The following DENND1A variants were observed in gnomAD, a reference collection of about 807,000 sequenced individuals.
DENND1A encodes the protein DENN domain containing 1A.
In DENND1A, 51 loss-of-function variants were observed where a neutral mutation model predicts 113.7. The observed-to-expected ratio is 0.45, with a 90% CI of 0.36 to 0.57. The LOEUF is 0.57. Ranked by LOEUF, DENND1A falls within the 20% of genes least tolerant of loss-of-function variation. DENND1A has a pLI of 0.00. For missense variants in DENND1A, 1,258 were observed against 1,395.9 expected, an observed-to-expected ratio of 0.90 and a Z score of 1.57; for synonymous variants, 565 against 570.8, an observed-to-expected ratio of 0.99 and a Z score of 0.14.
intron 5 of DENND1A, among the ~76,000 whole-genome samples, chr9:123,732,095 T>C (rs191175212): frequency 1.3e-5 from 2 of 152,314 alleles, no homozygotes; most frequent in East Asian, 3.9e-4. Flanking sequence ...CTTGTGGGAA[T>C]GCAAAATGAT....
chr9:123,778,559 G>A lies in DENND1A; in HGVS notation c.133-8996C>T, dbSNP rs1267214720. Among the ~76,000 whole-genome samples, 5 of 152,322 alleles carry A rather than the reference G, an allele frequency of 3.3e-5. No individual in the cohort carries two copies. In the East Asian group the frequency reaches 5.8e-4, roughly 18 times the overall value. On this transcript the variant is annotated intron_variant, in intron 3 of 23. Coordinates refer to ENST00000394215, the MANE Select transcript of DENND1A (RefSeq NM_001352964.2). ...GTGTAACTTATAACCTAAGGAAGGA[G>A]CCGGCAAACTTTTCTCAAAAGGGCC...
chr9:123,915,170 A>T (rs549042243), intron 1 of DENND1A, among the ~76,000 whole-genome samples: 1 of 152,226 alleles, frequency 6.6e-6, no homozygotes, highest in African/African-American at 2.4e-5. Flanking sequence ...ACTTATCCAT[A>T]TATGATGCCA....
chr9:123,775,605 G>A (rs1027645398), intron 3 of DENND1A, among the ~76,000 whole-genome samples: 1 of 152,034 alleles, frequency 6.6e-6, no homozygotes, highest in African/African-American at 2.4e-5. Context: ...TATTTTAAAT[G>A]CACACAAAAA....
chr9:123,919,542 G>GA (rs1363036699), intron 1 of DENND1A, among the ~76,000 whole-genome samples: 1 of 151,322 alleles, frequency 6.6e-6, no homozygotes, highest in Non-Finnish European at 1.5e-5. Flanking sequence ...TTTTTAAAAA[G>GA]AAAAATCTAC....
chr9:123,474,585 C>T (rs558432044), intron 13 of DENND1A, among the ~76,000 whole-genome samples: 1 of 152,242 alleles, frequency 6.6e-6, no homozygotes, highest in African/African-American at 2.4e-5. Flanking sequence ...CTCATTAATG[C>T]CTTTGATAAG....
chr9:123,720,029 G>A (rs1414982485), intron 5 of DENND1A, among the ~76,000 whole-genome samples: 3 of 152,106 alleles, frequency 2.0e-5, no homozygotes, highest in South Asian at 2.1e-4. Flanking sequence ...CCTAAGTACC[G>A]ACCACAAATC....
intron 12 of DENND1A, among the ~76,000 whole-genome samples, chr9:123,575,817 G>T (rs2058605199): frequency 6.6e-6 from 1 of 152,102 alleles, no homozygotes; most frequent in Non-Finnish European, 1.5e-5. Context: ...CATTTGGCTG[G>T]TATATCTTTT....
At chr9:123,643,650 C>T (rs532833434) in intron 9 of DENND1A, among the ~76,000 whole-genome samples, 1 of 152,358 alleles carries the variant, frequency 6.6e-6, no homozygotes, top group South Asian at 2.1e-4. Context: ...CAGGGCTCCA[C>T]CAAGGCCGCA....
At chr9:123,772,748 C>T (rs1236656616) in intron 3 of DENND1A, among the ~76,000 whole-genome samples, 1 of 152,152 alleles carries the variant, frequency 6.6e-6, no homozygotes, top group East Asian at 1.9e-4. Flanking sequence ...AGCCAGTCAC[C>T]ACAGTTAAAG....
At chr9:123,809,744 C>T (rs1215094429) in intron 2 of DENND1A, among the ~76,000 whole-genome samples, 4 of 152,172 alleles carry the variant, frequency 2.6e-5, no homozygotes, top group African/African-American at 9.7e-5. Flanking sequence ...GATCTCGGAT[C>T]ACTGCAACCT....
At chr9:123,495,495 T>C (rs1038117690) in intron 13 of DENND1A, among the ~76,000 whole-genome samples, 1 of 152,184 alleles carries the variant, frequency 6.6e-6, no homozygotes, top group African/African-American at 2.4e-5. Flanking sequence ...AAATGGCCAC[T>C]TTCTCCAGGA....
intron 6 of DENND1A, among the ~76,000 whole-genome samples, chr9:123,675,481 T>C (rs557501830): frequency 6.6e-6 from 1 of 152,286 alleles, no homozygotes; most frequent in East Asian, 1.9e-4. Flanking sequence ...ACCCTTTTCA[T>C]GGACCATTTC....
chr9:123,922,755 C>A (rs1856481326), intron 1 of DENND1A, among the ~76,000 whole-genome samples: 1 of 152,208 alleles, frequency 6.6e-6, no homozygotes, highest in Non-Finnish European at 1.5e-5. Context: ...CCCTTGCCCT[C>A]AACAGTTACT....
intron 2 of DENND1A, among the ~76,000 whole-genome samples, chr9:123,833,728 A>C (rs1215160753): frequency 6.6e-6 from 1 of 150,392 alleles, no homozygotes; most frequent in East Asian, 1.9e-4. Context: ...AGACTTTAGA[A>C]AGATCTTTTG....
intron 5 of DENND1A, among the ~76,000 whole-genome samples, chr9:123,732,873 T>C (rs1430117413): frequency 1.3e-5 from 2 of 152,194 alleles, no homozygotes; most frequent in Admixed American, 1.3e-4. Flanking sequence ...ATCTGTATAA[T>C]GGGGGCCATA....
intron 1 of DENND1A, among the ~76,000 whole-genome samples, chr9:123,902,445 T>G (rs907996748): frequency 6.6e-6 from 1 of 152,178 alleles, no homozygotes; most frequent in Non-Finnish European, 1.5e-5. Flanking sequence ...CTAGGAACAA[T>G]GAACATAAAC....
chr9:123,560,353 C>G (rs932020850), intron 12 of DENND1A, among the ~76,000 whole-genome samples: 4 of 152,130 alleles, frequency 2.6e-5, no homozygotes. Flanking sequence ...TGATAAAGGG[C>G]GTGCCTCATG....
At chr9:123,665,469 T>G (rs931780602) in intron 8 of DENND1A, among the ~76,000 whole-genome samples, 1 of 152,198 alleles carries the variant, frequency 6.6e-6, no homozygotes, top group Non-Finnish European at 1.5e-5. Context: ...CACAGTCTGA[T>G]CATACAGATA....
At chr9:123,753,641 T>C (rs926042612) in intron 5 of DENND1A, among the ~76,000 whole-genome samples, 2 of 152,248 alleles carry the variant, frequency 1.3e-5, no homozygotes, top group African/African-American at 4.8e-5. Context: ...TCTTGATGCA[T>C]TTCCCTGTCT....
Sources: gnomAD v4.1 joint callset for allele counts (sites outside exome capture counted in the v4.1 genomes callset) on GRCh38, gnomAD v4.1.1 for gene constraint, MANE v1.5 for transcripts, NCBI Gene and HGNC (gene_info 2026-07-23, HGNC 2026-07-21) for gene names.